The following KDM4C variants were observed in gnomAD, a reference collection of about 807,000 sequenced individuals.
KDM4C encodes lysine-specific demethylase 4C.
In KDM4C, 81 loss-of-function variants were observed where a neutral mutation model predicts 129.3. That is an observed-to-expected ratio of 0.63 (90% CI 0.52 to 0.75). KDM4C has a LOEUF of 0.75. KDM4C is among the 30% of genes least tolerant of loss of function. KDM4C has a pLI of 0.00. For synonymous variants in KDM4C, 573 were observed against 456.1 expected (o/e 1.26, Z -3.26); for missense variants, 1,457 against 1,304.0 (o/e 1.12, Z -1.81).
At chr9:7,070,410 A>G (rs1304163509) in intron 17 of KDM4C, among the ~76,000 whole-genome samples, 1 of 152,154 alleles carries the variant, frequency 6.6e-6, no homozygotes, top group Non-Finnish European at 1.5e-5. Flanking sequence ...CATAACCCTG[A>G]TACTCAACTC....
chr9:6,862,427 A>G (rs945678824), intron 5 of KDM4C, among the ~76,000 whole-genome samples: 10 of 152,188 alleles, frequency 6.6e-5, no homozygotes, highest in Non-Finnish European at 1.3e-4. Flanking sequence ...GTTGCTTTGA[A>G]TAAAGTGCAC....
At position 7,141,154 on chromosome 9, in the gene KDM4C, C is replaced by A. The variant is rs147317425; in HGVS notation, c.2781+12918C>A. Among the ~76,000 whole-genome samples, 382 of 152,102 alleles carry A rather than the reference C, an allele frequency of 2.5e-3. 1 individual carries two copies. The highest frequency in any genetic ancestry group is 8.8e-3 in the African/African-American group (367 of 41,504). ...GTTATGAAGTAGGTTTTTTTTGGCT[C>A]TAGTGAAAAAGAATTGGAAAGTCCA... On this transcript the variant is annotated intron_variant, in intron 19 of 21. Coordinates refer to ENST00000381309, the MANE Select transcript of KDM4C (RefSeq NM_015061.6).
intron 4 of KDM4C, 83 bp from the exon 5 acceptor site, chr9:6,849,424 G>A (rs1260120908): frequency 1.5e-5 from 17 of 1,159,404 alleles, no homozygotes; most frequent in Non-Finnish European, 2.0e-5. Flanking sequence ...TAATTTTGGT[G>A]GATAGTGGTT....
chr9:6,792,929 A>G, intron 1 of KDM4C, 43 bp from the exon 2 acceptor site: 12 of 1,596,614 alleles, frequency 7.5e-6, no homozygotes, highest in African/African-American at 2.7e-5. Flanking sequence ...GACCTAAAGC[A>G]TATAATAATT....
chr9:6,893,839 A>G (rs1387237212), intron 8 of KDM4C, among the ~76,000 whole-genome samples: 1 of 152,228 alleles, frequency 6.6e-6, no homozygotes, highest in Non-Finnish European at 1.5e-5. Context: ...TTCACAGGCA[A>G]TAACTTCTAT....
intron 2 of KDM4C, among the ~76,000 whole-genome samples, chr9:6,797,717 G>A (rs993540433): frequency 1.9e-4 from 29 of 152,182 alleles, no homozygotes; most frequent in African/African-American, 6.8e-4. Context: ...CTCACAAGGT[G>A]AAGAAAGATT....
chr9:6,980,137 A>T (rs989001991), intron 8 of KDM4C, among the ~76,000 whole-genome samples: 7 of 152,120 alleles, frequency 4.6e-5, no homozygotes. Flanking sequence ...TAAATCTTGG[A>T]GATTATTTAT....
intron 20 of KDM4C, among the ~76,000 whole-genome samples, chr9:7,166,796 C>T (rs1385296725): frequency 5.3e-5 from 8 of 152,136 alleles, no homozygotes; most frequent in African/African-American, 1.2e-4. Flanking sequence ...AGTGTGTTAA[C>T]TTCAGTTGAA....
At position 6,843,956 on chromosome 9, in the gene KDM4C, C is replaced by T. The variant is rs141736640; in HGVS notation, c.436-5551C>T. On this transcript the variant is annotated intron_variant, in intron 4 of 21. Coordinates refer to ENST00000381309, the MANE Select transcript of KDM4C (RefSeq NM_015061.6). Reference sequence around the variant, plus strand: ...ACCTCAACTCCCTCCTCAGCCGCCTCCTGAGTAGCTGGGACCTGTGGCATG... The same window carrying T: ...ACCTCAACTCCCTCCTCAGCCGCCTTCTGAGTAGCTGGGACCTGTGGCATG... Among the ~76,000 whole-genome samples the T allele has an allele frequency of 8.5e-3, 1,291 of 152,232 alleles. 9 individuals carry two copies. Among genetic ancestry groups the T allele is most frequent in the Middle Eastern group, 0.024 (7 of 294 alleles).
chr9:6,885,968 G>T (rs1038328280), intron 6 of KDM4C, among the ~76,000 whole-genome samples: 1 of 152,180 alleles, frequency 6.6e-6, no homozygotes, highest in South Asian at 2.1e-4. Flanking sequence ...AAAGAAAATG[G>T]AATAGACTCT....
chr9:6,924,885 G>A, intron 8 of KDM4C: 1 of 984,516 alleles, frequency 1.0e-6, no homozygotes, highest in Non-Finnish European at 1.2e-6. Flanking sequence ...TATTTGGGGT[G>A]GTGGAGCATT....
intron 12 of KDM4C, among the ~76,000 whole-genome samples, chr9:6,994,822 C>T (rs1586781393): frequency 1.3e-5 from 2 of 152,172 alleles, no homozygotes; most frequent in African/African-American, 4.8e-5. Context: ...TTTAATATGT[C>T]AGCTCTTTCA....
At chr9:6,892,270 T>C (rs1846206003) in intron 7 of KDM4C, among the ~76,000 whole-genome samples, 1 of 152,180 alleles carries the variant, frequency 6.6e-6, no homozygotes, top group South Asian at 2.1e-4. Context: ...TATTATTCCA[T>C]TTGAAGGAGT....
At chr9:6,960,459 T>C (rs1475147356) in intron 8 of KDM4C, among the ~76,000 whole-genome samples, 1 of 151,788 alleles carries the variant, frequency 6.6e-6, no homozygotes, top group African/African-American at 2.4e-5. Context: ...GTCACTCTCT[T>C]TGTTTCCCAG....
intron 2 of KDM4C, among the ~76,000 whole-genome samples, chr9:6,805,367 C>T (rs150896865): frequency 2.5e-3 from 380 of 152,066 alleles, no homozygotes; most frequent in African/African-American, 8.7e-3. Context: ...AGTACCTACT[C>T]AAAATGAGTT....
chr9:6,977,467 C>G (rs1487150135), intron 8 of KDM4C, among the ~76,000 whole-genome samples: 1 of 152,140 alleles, frequency 6.6e-6, no homozygotes, highest in Non-Finnish European at 1.5e-5. Flanking sequence ...TCTCCCAAAA[C>G]CACATACATG....
At chr9:7,096,386 A>C (rs533534545) in intron 17 of KDM4C, among the ~76,000 whole-genome samples, 2 of 152,186 alleles carry the variant, frequency 1.3e-5, no homozygotes, top group Non-Finnish European at 2.9e-5. Flanking sequence ...TTCTGCTAAG[A>C]GGGGTCTAGG....
chr9:6,807,926 C>A (rs866546888), intron 3 of KDM4C, among the ~76,000 whole-genome samples: 1 of 109,212 alleles, frequency 9.2e-6, no homozygotes, highest in Non-Finnish European at 1.9e-5. Context: ...CAGCCACCCC[C>A]TCCGGGAGGG....
At chr9:7,166,632 A>G (rs1239919577) in intron 20 of KDM4C, among the ~76,000 whole-genome samples, 3 of 152,372 alleles carry the variant, frequency 2.0e-5, no homozygotes, top group South Asian at 4.1e-4. Flanking sequence ...AGGATCCTGG[A>G]AAAGAAGCAT....
Sources: allele counts gnomAD v4.1 joint callset (sites outside exome capture counted in the v4.1 genomes callset), GRCh38; gene constraint gnomAD v4.1.1; transcripts MANE v1.5; gene names NCBI Gene and HGNC (gene_info 2026-07-23, HGNC 2026-07-21).